Variants in DHX36 observed in about 807,000 individuals in gnomAD.
The protein encoded by DHX36 is DEAH-box helicase 36.
A neutral mutation model predicts 139.0 loss-of-function variants in DHX36; 50 were observed. The observed-to-expected ratio is 0.36, with a 90% CI of 0.29 to 0.46. The LOEUF (loss-of-function observed/expected upper bound fraction) is 0.46. Ranked by LOEUF, DHX36 falls within the 20% of genes least tolerant of loss-of-function variation. DHX36 has a pLI of 1.00. For synonymous variants in DHX36, 425 were observed against 401.9 expected, an observed-to-expected ratio of 1.06 and a Z score of -0.69; for missense variants, 1,024 against 1,211.3, an observed-to-expected ratio of 0.85 and a Z score of 2.29.
chr3:154,283,183 A>G lies in DHX36; in HGVS notation c.2376+5T>C. On this transcript the variant is annotated splice_donor_5th_base_variant and intron_variant, in intron 20 of 24. Coordinates refer to ENST00000496811, the MANE Select transcript of DHX36 (RefSeq NM_020865.3). The stretch of plus-strand genomic sequence containing the variant: ...TGATAATTACTGCAAAACATTCACC[A>G]TTACCTGCAGTGTGTTTGAAGACAG... 1 of 1,602,286 alleles carries G rather than the reference A, an allele frequency of 6.2e-7. No homozygotes were observed. The highest frequency in any genetic ancestry group is 8.6e-7 in the Non-Finnish European group (1 of 1,169,278).
chr3:154,315,454 C>A (rs1712944725), intron 2 of DHX36, among the ~76,000 whole-genome samples, 174 bp from the exon 3 acceptor site: 1 of 152,028 alleles, frequency 6.6e-6, no homozygotes, highest in African/African-American at 2.4e-5. Context: ...ATAATAAATT[C>A]AAATTTTTCT....
At chr3:154,289,452 T>C (rs926228725) in intron 16 of DHX36, among the ~76,000 whole-genome samples, 4 of 152,170 alleles carry the variant, frequency 2.6e-5, no homozygotes, top group Non-Finnish European at 5.9e-5. Flanking sequence ...ACCTGCCCAA[T>C]ATAACAGAAC....
At chr3:154,312,622 C>T (rs1712801978) in intron 3 of DHX36, among the ~76,000 whole-genome samples, 1 of 151,308 alleles carries the variant, frequency 6.6e-6, no homozygotes, top group African/African-American at 2.4e-5. Context: ...GCAGGCAGAT[C>T]ATGAGGTCAG....
chr3:154,278,480 T>A (rs1321291452), intron 22 of DHX36: 1 of 150,900 alleles, frequency 6.6e-6, no homozygotes, highest in Admixed American at 6.6e-5. Context: ...TTTCGAAGTT[T>A]TTTTTTTTTT....
At chr3:154,302,532 G>A (rs1005289017) in intron 9 of DHX36, among the ~76,000 whole-genome samples, 4 of 152,138 alleles carry the variant, frequency 2.6e-5, no homozygotes, top group South Asian at 2.1e-4. Flanking sequence ...AAGCCAGTTC[G>A]AAGGTCAGGA....
intron 19 of DHX36, among the ~76,000 whole-genome samples, chr3:154,284,079 C>T (rs544742342): frequency 1.3e-5 from 2 of 152,246 alleles, no homozygotes; most frequent in African/African-American, 4.8e-5. Context: ...ATGTAATGAA[C>T]TATTACAAAA....
chr3:154,311,430 G>A (rs1362989151), intron 4 of DHX36, among the ~76,000 whole-genome samples: 1 of 151,866 alleles, frequency 6.6e-6, no homozygotes, highest in Non-Finnish European at 1.5e-5. Flanking sequence ...TTTCAATTAT[G>A]GACAAAAACA....
At chr3:154,280,527 A>G (rs559986419) in intron 22 of DHX36, 52 bp downstream of exon 22, 8 of 1,354,172 alleles carry the variant, frequency 5.9e-6, no homozygotes, top group Non-Finnish European at 8.3e-6. Flanking sequence ...AGCAGATTTC[A>G]AAAGTTTAAG....
chr3:154,283,421 T>C (rs1719393040), intron 19 of DHX36, 150 bp from the exon 20 acceptor site: 1 of 599,326 alleles, frequency 1.7e-6, no homozygotes, highest in Non-Finnish European at 3.0e-6. Flanking sequence ...CTGATAAAAC[T>C]AAAAACACAT....
chr3:154,279,990 G>A (rs1719281452), intron 22 of DHX36: 1 of 152,078 alleles, frequency 6.6e-6, no homozygotes, highest in South Asian at 2.1e-4. Context: ...CTGGGTCACT[G>A]ACTATTTTAA....
Position 154,289,839 on chromosome 3 carries a change from AC to A in DHX36, c.1815-14del. On this transcript the variant is annotated splice_polypyrimidine_tract_variant and intron_variant, in intron 15 of 24. Coordinates refer to ENST00000496811, the MANE Select transcript of DHX36 (RefSeq NM_020865.3). ...ACCAGGTTGAACTCTTAAAAAAAAA[AC>A]AAAACAAAATGAAACAAAGAGGGAC... 4 of 1,501,202 alleles carry A rather than the reference AC, an allele frequency of 2.7e-6. No homozygotes were observed. The South Asian group carries it at 3.7e-5, about 14-fold the overall frequency. 93.0% of individuals were successfully genotyped at this position (1,501,202 alleles called of 1,614,324 possible).
At chr3:154,321,684 C>T (rs781632774) in intron 1 of DHX36, among the ~76,000 whole-genome samples, 1 of 152,156 alleles carries the variant, frequency 6.6e-6, no homozygotes, top group Non-Finnish European at 1.5e-5. Flanking sequence ...TTCAGCCAGG[C>T]GCCATGGCTC....
intron 24 of DHX36, 106 bp from the exon 25 acceptor site, chr3:154,276,462 C>G: frequency 1.8e-6 from 2 of 1,083,888 alleles, no homozygotes; most frequent in Non-Finnish European, 2.6e-6. Flanking sequence ...CAAGCGATGG[C>G]TCAAAAGCTA....
intron 1 of DHX36, among the ~76,000 whole-genome samples, chr3:154,318,518 G>A (rs1315633230): frequency 3.3e-5 from 5 of 151,780 alleles, no homozygotes; most frequent in South Asian, 4.2e-4. Context: ...TCACGCCCCC[G>A]GAAAAGGTGA....
At chr3:154,323,671 G>A (rs369735677) in intron 1 of DHX36, among the ~76,000 whole-genome samples, 3 of 152,292 alleles carry the variant, frequency 2.0e-5, no homozygotes, top group South Asian at 2.1e-4. Flanking sequence ...TAGGTTTGCA[G>A]ATAATTTTAA....
chr3:154,300,068 T>A, intron 11 of DHX36, 143 bp from the exon 12 acceptor site: 1 of 603,642 alleles, frequency 1.7e-6, no homozygotes, highest in Non-Finnish European at 3.0e-6. Context: ...TATAAGCTTT[T>A]TTTTTTTAAT....
chr3:154,276,075 A>C lies in DHX36; in HGVS notation c.*96T>G. The C allele has an allele frequency of 8.1e-7, 1 of 1,230,908 alleles. No individual in the cohort carries two copies. The highest frequency in any genetic ancestry group is 1.1e-6 in the Non-Finnish European group (1 of 878,088). The allele number at this position is 1,230,908 out of a possible 1,614,324, so 76.2% of individuals were successfully genotyped here. A position where few individuals can be genotyped will look rare whatever the true frequency, so the allele number is the denominator to read the frequency against. On this transcript the variant is annotated 3_prime_UTR_variant, in exon 25 of 25. Transcript: ENST00000496811. ...GAAGGCTTCTACCTTACACATGAAA[A>C]TTGTTCATGTCCCAGGGTTTGGCAT...
chr3:154,292,415 TAA>T, intron 15 of DHX36, 134 bp downstream of exon 15: 1 of 1,229,188 alleles, frequency 8.1e-7, no homozygotes, highest in Non-Finnish European at 1.2e-6. Flanking sequence ...CTTTCCTATT[TAA>T]AAATGTTTTG....
intron 12 of DHX36, among the ~76,000 whole-genome samples, chr3:154,297,001 AAG>A (rs1712070631): frequency 1.3e-5 from 2 of 152,236 alleles, no homozygotes; most frequent in Admixed American, 6.5e-5. Flanking sequence ...AAATAAAGGT[AAG>A]AGAGAATCAA....
Sources: allele counts gnomAD v4.1 joint callset (sites outside exome capture counted in the v4.1 genomes callset), GRCh38; gene constraint gnomAD v4.1.1; transcripts MANE v1.5; gene names NCBI Gene and HGNC (gene_info 2026-07-23, HGNC 2026-07-21).